CNTN4: variants seen among roughly 807,000 people sequenced by gnomAD.
The protein encoded by CNTN4 is contactin-4.
CNTN4 carries 77 observed loss-of-function variants against 122.5 expected under a neutral mutation model. The ratio of observed to expected loss-of-function variants is 0.63; its 90% CI spans 0.52 to 0.76. The LOEUF (loss-of-function observed/expected upper bound fraction) is 0.76. Among genes scored for constraint, CNTN4 ranks in the 30% least tolerant of loss-of-function variants. The pLI, the probability that CNTN4 is intolerant of heterozygous loss-of-function variation, is 0.00. For synonymous variants in CNTN4, 512 were observed against 447.0 expected, an observed-to-expected ratio of 1.15 and a Z score of -1.83; for missense variants, 1,256 against 1,259.1, an observed-to-expected ratio of 1.00 and a Z score of 0.04.
At chr3:2,159,507 A>C (rs1487338455) in intron 2 of CNTN4, among the ~76,000 whole-genome samples, 1 of 152,182 alleles carries the variant, frequency 6.6e-6, no homozygotes. Context: ...GAAAGGATAC[A>C]AAAGGCATCA....
chr3:2,245,714 G>T (rs1273924645), intron 2 of CNTN4, among the ~76,000 whole-genome samples: 1 of 151,906 alleles, frequency 6.6e-6, no homozygotes, highest in Non-Finnish European at 1.5e-5. Context: ...AAAGATTGTA[G>T]GGTGAAAATT....
intron 8 of CNTN4, among the ~76,000 whole-genome samples, chr3:2,867,846 G>T (rs1473184088): frequency 1.3e-5 from 2 of 151,988 alleles, no homozygotes; most frequent in Admixed American, 1.3e-4. Context: ...TGTCTTACTA[G>T]CAATTTGCCT....
rs541601630 is a variant in CNTN4 at position 2,309,893 on chromosome 3, G to A, written c.-144-29285G>A. ...TTCTGGCATGCTTGCTTTCATATAT[G>A]TTGTTTACTGATACTTACATAAATA... On this transcript the variant is annotated intron_variant, in intron 2 of 24. Transcript: ENST00000418658. Among the ~76,000 whole-genome samples the A allele has an allele frequency of 7.5e-4, 114 of 152,232 alleles. 1 individual carries two copies. Among genetic ancestry groups the A allele is most frequent in the African/African-American group, 2.6e-3 (109 of 41,544 alleles).
At chr3:2,310,795 G>T (rs2042886888) in intron 2 of CNTN4, among the ~76,000 whole-genome samples, 1 of 152,004 alleles carries the variant, frequency 6.6e-6, no homozygotes, top group African/African-American at 2.4e-5. Flanking sequence ...GCTCTCACTT[G>T]TTTTCTATTA....
At chr3:2,581,094 T>C (rs993149991) in intron 4 of CNTN4, among the ~76,000 whole-genome samples, 1 of 152,198 alleles carries the variant, frequency 6.6e-6, no homozygotes, top group East Asian at 1.9e-4. Flanking sequence ...TGGCAACTTA[T>C]TAGAAATGGG....
At chr3:2,771,837 C>T (rs995387832) in intron 6 of CNTN4, among the ~76,000 whole-genome samples, 1 of 152,186 alleles carries the variant, frequency 6.6e-6, no homozygotes, top group East Asian at 1.9e-4. Flanking sequence ...ATATGTAATC[C>T]GTCCTGGGGT....
At chr3:2,966,648 G>A in intron 13 of CNTN4, among the ~76,000 whole-genome samples, 1 of 152,080 alleles carries the variant, frequency 6.6e-6, no homozygotes, top group South Asian at 2.1e-4. Context: ...CTAATACAAA[G>A]AAATGATAAA....
intron 14 of CNTN4, among the ~76,000 whole-genome samples, chr3:3,014,945 G>A (rs1697608568): frequency 7.2e-6 from 1 of 139,072 alleles, no homozygotes; most frequent in South Asian, 2.5e-4. Flanking sequence ...TATCTCTAGT[G>A]TGGAAGATTG....
intron 3 of CNTN4, among the ~76,000 whole-genome samples, chr3:2,540,561 AAGT>A (rs2077992560): frequency 2.6e-5 from 4 of 152,028 alleles, no homozygotes; most frequent in Admixed American, 2.0e-4. Context: ...TTATTTTAAA[AAGT>A]AGTAGGAGTT....
chr3:2,448,163 A>G (rs1456955383), intron 3 of CNTN4, among the ~76,000 whole-genome samples: 1 of 152,202 alleles, frequency 6.6e-6, no homozygotes, highest in Non-Finnish European at 1.5e-5. Context: ...GAGCGTAGCC[A>G]AGCCCAGAGC....
intron 2 of CNTN4, among the ~76,000 whole-genome samples, chr3:2,137,204 G>C (rs2034737196): frequency 6.6e-6 from 1 of 152,144 alleles, no homozygotes; most frequent in Non-Finnish European, 1.5e-5. Flanking sequence ...TCATCTAGCT[G>C]TATCTAAATT....
At chr3:2,447,532 T>C (rs1206042726) in intron 3 of CNTN4, among the ~76,000 whole-genome samples, 2 of 152,184 alleles carry the variant, frequency 1.3e-5, no homozygotes, top group South Asian at 2.1e-4. Context: ...TCCACTATTA[T>C]AATGTTCATA....
intron 4 of CNTN4, among the ~76,000 whole-genome samples, chr3:2,638,712 T>A (rs1442277384): frequency 6.6e-6 from 1 of 152,208 alleles, no homozygotes; most frequent in Non-Finnish European, 1.5e-5. Flanking sequence ...GTCAACTTGT[T>A]GACCTGACCT....
At chr3:2,800,901 G>C (rs921205683) in intron 6 of CNTN4, among the ~76,000 whole-genome samples, 2 of 152,098 alleles carry the variant, frequency 1.3e-5, no homozygotes, top group East Asian at 3.9e-4. Context: ...GCCACCTTCA[G>C]GTCTCTACTC....
chr3:2,889,778 G>A (rs1005208331), intron 10 of CNTN4, among the ~76,000 whole-genome samples: 4 of 152,116 alleles, frequency 2.6e-5, no homozygotes, highest in African/African-American at 9.7e-5. Context: ...CTCTCAGTAT[G>A]TTAAACTGGT....
At position 2,359,175 on chromosome 3, in the gene CNTN4, C is replaced by T. The variant is rs531538410; in HGVS notation, c.-89+19942C>T. On this transcript the variant is annotated intron_variant, in intron 3 of 24. Coordinates refer to ENST00000418658, the MANE Select transcript of CNTN4 (RefSeq NM_175607.3). ...GATAAAATGGTAACTTTGTAAGATT[C>T]GATGCCCCAAAGATACATCTGCACC... Among the ~76,000 whole-genome samples, 6 of 152,216 alleles carry T rather than the reference C, an allele frequency of 3.9e-5. 1 individual carries two copies. The South Asian group carries it at 1.2e-3, about 32-fold the overall frequency.
At chr3:2,101,585 T>C (rs2031965078) in intron 2 of CNTN4, among the ~76,000 whole-genome samples, 2 of 152,178 alleles carry the variant, frequency 1.3e-5, no homozygotes, top group Non-Finnish European at 2.9e-5. Flanking sequence ...TTTTTCCCTG[T>C]AATGCTATGT....
chr3:2,395,226 A>C (rs1229424230), intron 3 of CNTN4, among the ~76,000 whole-genome samples: 2 of 152,196 alleles, frequency 1.3e-5, no homozygotes, highest in East Asian at 3.9e-4. Context: ...AATGAATCTT[A>C]ATACATGGTG....
At chr3:2,263,239 G>GTTGC (rs2040911258) in intron 2 of CNTN4, among the ~76,000 whole-genome samples, 1 of 152,088 alleles carries the variant, frequency 6.6e-6, no homozygotes, top group Non-Finnish European at 1.5e-5. Context: ...TGAACTACAT[G>GTTGC]TGGGCAAGGA....
Sources: allele counts gnomAD v4.1 joint callset (sites outside exome capture counted in the v4.1 genomes callset), GRCh38; gene constraint gnomAD v4.1.1; transcripts MANE v1.5; gene names NCBI Gene and HGNC (gene_info 2026-07-23, HGNC 2026-07-21).